Variants in NRDE2 observed in about 807,000 individuals in gnomAD.
NRDE2 encodes NRDE-2, necessary for RNA interference, domain containing, also known as nuclear exosome regulator NRDE2.
NRDE2 carries 76 observed loss-of-function variants against 124.2 expected under a neutral mutation model. That is an observed-to-expected ratio of 0.61 (90% CI 0.51 to 0.74). The LOEUF is 0.74. NRDE2 is among the 30% of genes least tolerant of loss of function. The pLI is 0.00. For synonymous variants in NRDE2, 489 were observed against 528.1 expected, an observed-to-expected ratio of 0.93 and a Z score of 1.01; for missense variants, 1,314 against 1,417.3, an observed-to-expected ratio of 0.93 and a Z score of 1.17.
Position 90,270,109 on chromosome 14 carries a change from G to A in NRDE2, c.*8227C>T, listed in dbSNP as rs191343301. ...CAGAATTCTGTCCGACTGAAACTTC[G>A]TATGTAAGGAGATGGGCTGAGGCCT... On this transcript the variant is annotated 3_prime_UTR_variant, in exon 14 of 14. Transcript: ENST00000354366. 5.4e-5 allele frequency: 74 copies of A among 1,375,246 alleles called. No homozygotes were observed. The highest frequency in any genetic ancestry group is 5.4e-4 in the African/African-American group (37 of 69,142). 85.2% of individuals were successfully genotyped at this position (1,375,246 alleles called of 1,614,324 possible).
chr14:90,269,164 C>G lies in NRDE2; in HGVS notation c.*9172G>C. Reference sequence around the variant, plus strand: ...TTTAGCCCTTTCCAAAAGGCCTCATCTCTTAGCCACACAGTAGGGATTAAG... The same window carrying G: ...TTTAGCCCTTTCCAAAAGGCCTCATGTCTTAGCCACACAGTAGGGATTAAG... On this transcript the variant is annotated 3_prime_UTR_variant, in exon 14 of 14. Transcript: ENST00000354366. The G allele has an allele frequency of 2.0e-6, 1 of 494,988 alleles. No homozygotes were observed. Among genetic ancestry groups the G allele is most frequent in the Non-Finnish European group, 3.6e-6 (1 of 278,676 alleles). 30.7% of individuals were successfully genotyped at this position (494,988 alleles called of 1,614,324 possible). A position where few individuals can be genotyped will look rare whatever the true frequency, so the allele number is the denominator to read the frequency against.
At chr14:90,331,336 T>C (rs1487247917) in intron 1 of NRDE2, among the ~76,000 whole-genome samples, 1 of 152,234 alleles carries the variant, frequency 6.6e-6, no homozygotes, top group Non-Finnish European at 1.5e-5. Context: ...GTTAGTTATT[T>C]TCACTGGGTG....
intron 4 of NRDE2, among the ~76,000 whole-genome samples, chr14:90,309,453 A>G (rs1250018380): frequency 7.2e-6 from 1 of 139,206 alleles, no homozygotes; most frequent in East Asian, 2.1e-4. Context: ...AACCTGGGCG[A>G]CAGAGCAAGA....
rs917452984 is a variant in NRDE2, at chr14:90,278,262, C to G, written c.*74G>C. 16 of 1,581,904 alleles carry G rather than the reference C, an allele frequency of 1.0e-5. No homozygotes were observed. In the African/African-American group the frequency reaches 1.9e-4, roughly 19 times the overall value. ...GCCGAGTTCTCCTAACACACACGTTCTCTGCTCGCGCCTCCTAGCTCCGCA... is the reference window on the plus strand; with the variant it reads ...GCCGAGTTCTCCTAACACACACGTTGTCTGCTCGCGCCTCCTAGCTCCGCA... On this transcript the variant is annotated 3_prime_UTR_variant, in exon 14 of 14. Transcript: ENST00000354366.
At chr14:90,299,079 CT>C (rs11340609) in intron 7 of NRDE2, among the ~76,000 whole-genome samples, 97,781 of 151,832 alleles carry the variant, frequency 0.64, 32,222 homozygotes, top group East Asian at 0.81. Context: ...GAGTCTCGCT[CT>C]TGTTGCCCAG....
At chr14:90,316,317 G>T (rs772324996) in intron 3 of NRDE2, among the ~76,000 whole-genome samples, 8 of 152,100 alleles carry the variant, frequency 5.3e-5, no homozygotes, top group Non-Finnish European at 1.2e-4. Context: ...ACCCACTGTG[G>T]CACATCTGCC....
At position 90,268,183 on chromosome 14, in the gene NRDE2, T is replaced by G; in HGVS notation, c.*10153A>C. On this transcript the variant is annotated 3_prime_UTR_variant, in exon 14 of 14. Transcript: ENST00000354366. ...CGAGTTTTTAAGTTAAAATGGCACT[T>G]AAGGTGTCTTTTTTTTTTTTATCTT... 1 of 1,476,680 alleles carries G rather than the reference T, an allele frequency of 6.8e-7. No homozygotes were observed. Among genetic ancestry groups the G allele is most frequent in the South Asian group, 1.3e-5 (1 of 78,010 alleles). 91.5% of individuals were successfully genotyped at this position (1,476,680 alleles called of 1,614,324 possible). A position where few individuals can be genotyped will look rare whatever the true frequency, so the allele number is the denominator to read the frequency against.
At position 90,296,749 on chromosome 14, in the gene NRDE2, G is replaced by C. The variant is rs577675769; in HGVS notation, c.1666+1511C>G. The stretch of plus-strand genomic sequence containing the variant: ...GCCTGGCAGATCTCTCTCTATGCTG[G>C]AACTGCCTTTCGGGGAGTGAAGCAG... On this transcript the variant is annotated intron_variant, in intron 8 of 13. Transcript: ENST00000354366. 5.3e-5 allele frequency among the ~76,000 whole-genome samples: 8 copies of C among 151,734 alleles called. No homozygotes were observed. In the South Asian group the frequency reaches 1.5e-3, roughly 28 times the overall value.
intron 7 of NRDE2, among the ~76,000 whole-genome samples, chr14:90,299,849 T>C (rs867485504): frequency 6.6e-6 from 1 of 152,224 alleles, no homozygotes; most frequent in South Asian, 2.1e-4. Flanking sequence ...GTATAATCTA[T>C]TTGTTTATTC....
At position 90,271,069 on chromosome 14, in the gene NRDE2, TAAG is replaced by T. The variant is rs1891650048; in HGVS notation, c.*7264_*7266del. On this transcript the variant is annotated 3_prime_UTR_variant, in exon 14 of 14. Transcript: ENST00000354366. ...ATTGAAAGATCTTAAAATTTTAAGA[TAAG>T]AACTTACTTTGACAATTTTCAAGCC... is the stretch of plus-strand genomic sequence containing the variant. The T allele has an allele frequency of 6.6e-6, 1 of 152,264 alleles. No individual in the cohort carries two copies. The highest frequency in any genetic ancestry group is 1.5e-5 in the Non-Finnish European group (1 of 68,044). The allele number at this position is 152,264 out of a possible 1,614,324, so 9.4% of individuals were successfully genotyped here. A position where few individuals can be genotyped will look rare whatever the true frequency, so the allele number is the denominator to read the frequency against.
At chr14:90,287,662 G>A (rs7149083) in intron 11 of NRDE2, among the ~76,000 whole-genome samples, 39,678 of 151,918 alleles carry the variant, frequency 0.26, 5,666 homozygotes, top group Middle Eastern at 0.42. Context: ...ATCAAAGATG[G>A]AATTTAAACA....
At position 90,301,219 on chromosome 14, in the gene NRDE2, A is replaced by C. The variant is rs774616719; in HGVS notation, c.1545+20T>G. The C allele has an allele frequency of 6.2e-7, 1 of 1,612,074 alleles. No individual in the cohort carries two copies. The highest frequency in any genetic ancestry group is 8.5e-7 in the Non-Finnish European group (1 of 1,178,602). The stretch of plus-strand genomic sequence containing the variant: ...AGAAAGAGCCAGGAAGAGAGAGATG[A>C]GGCGAGCAGAGCTGGGTACCTGTCC... On this transcript the variant is annotated intron_variant, in intron 7 of 13. Coordinates refer to ENST00000354366, the MANE Select transcript of NRDE2 (RefSeq NM_017970.4).
rs957610251 is a variant in NRDE2 at position 90,278,272 on chromosome 14, G to A, written c.*64C>T. The A allele has an allele frequency of 5.6e-6, 9 of 1,597,810 alleles. No individual in the cohort carries two copies. The highest frequency in any genetic ancestry group is 1.7e-4 in the Middle Eastern group (1 of 5,998). ...CCTAACACACACGTTCTCTGCTCGC[G>A]CCTCCTAGCTCCGCAGGGTGGGCAA... On this transcript the variant is annotated 3_prime_UTR_variant, in exon 14 of 14. Transcript: ENST00000354366.
intron 4 of NRDE2, among the ~76,000 whole-genome samples, chr14:90,308,885 TAA>T (rs1884716700): frequency 6.6e-6 from 1 of 152,048 alleles, no homozygotes; most frequent in African/African-American, 2.4e-5. Context: ...CCAAGGTACC[TAA>T]ACCAAGGAGC....
At chr14:90,313,119 A>ATTTTTTTTTTTTTT in intron 3 of NRDE2, among the ~76,000 whole-genome samples, 1 of 102,264 alleles carries the variant, frequency 9.8e-6, no homozygotes, top group Non-Finnish European at 1.9e-5. Flanking sequence ...TCTCAGCCTC[A>ATTTTTTTTTTTTTT]TTTTTTTTTT....
chr14:90,289,273 AC>A, intron 10 of NRDE2, 128 bp from the exon 11 acceptor site: 1 of 718,372 alleles, frequency 1.4e-6, no homozygotes, highest in Non-Finnish European at 2.4e-6. Flanking sequence ...GGTCTGGTAA[AC>A]ACTGAGGCTC....
rs886149891 is a variant in NRDE2, at chr14:90,269,676, C to T, written c.*8660G>A. 7 of 1,063,072 alleles carry T rather than the reference C, an allele frequency of 6.6e-6. 1 individual carries two copies. The highest frequency in any genetic ancestry group is 4.5e-4 in the Middle Eastern group (2 of 4,474). 65.9% of individuals were successfully genotyped at this position (1,063,072 alleles called of 1,614,324 possible). ...CTGCAGTGAAACTTAGGATAATTTA[C>T]AAAAAAATAGGTCCTCTTGAGATGA... On this transcript the variant is annotated 3_prime_UTR_variant, in exon 14 of 14. Coordinates refer to ENST00000354366, the MANE Select transcript of NRDE2 (RefSeq NM_017970.4).
chr14:90,322,624 A>C (rs996003367), intron 1 of NRDE2, among the ~76,000 whole-genome samples: 6 of 152,242 alleles, frequency 3.9e-5, no homozygotes, highest in Non-Finnish European at 7.3e-5. Context: ...TAATCATTAC[A>C]TAAGTTAATG....
chr14:90,316,612 C>A lies in NRDE2; in HGVS notation c.373G>T (p.Val125Phe). Residue 125 changes from valine (V) to phenylalanine (F), a missense_variant, in exon 3 of 14, where the codon GTT (valine) becomes TTT (phenylalanine). Coordinates refer to ENST00000354366, the MANE Select transcript of NRDE2 (RefSeq NM_017970.4). ...DSEKDKPSRG[V>F]GGSKKESEEP... ...TCAGATTCCTTTTTACTGCCTCCAA[C>A]GCCTCTGGAAGGTTTGTCCTTTTCA... The A allele has an allele frequency of 6.2e-7, 1 of 1,613,938 alleles. No homozygotes were observed. Among genetic ancestry groups the A allele is most frequent in the Non-Finnish European group, 8.5e-7 (1 of 1,179,942 alleles).
Sources: gnomAD v4.1 joint callset for allele counts (sites outside exome capture counted in the v4.1 genomes callset) on GRCh38, gnomAD v4.1.1 for gene constraint, MANE v1.5 for transcripts, NCBI Gene and HGNC (gene_info 2026-07-23, HGNC 2026-07-21) for gene names.